Variants in BTC observed in about 807,000 individuals in gnomAD.
The protein encoded by BTC is probetacellulin.
A neutral mutation model predicts 18.1 loss-of-function variants in BTC; 13 were observed. The ratio of observed to expected loss-of-function variants is 0.72; its 90% confidence interval spans 0.47 to 1.14. The LOEUF (loss-of-function observed/expected upper bound fraction) is 1.14, where lower values mean the gene tolerates loss of function less well. Among genes scored for constraint, BTC ranks in the 50% most tolerant of loss-of-function variants. The probability of loss-of-function intolerance (pLI) is 0.00; values close to 1 mark genes in which losing one functional copy is unlikely to be tolerated. For synonymous variants in BTC, 83 were observed against 79.4 expected, an observed-to-expected ratio of 1.05 and a Z score of -0.24; for missense variants, 247 against 224.2, an observed-to-expected ratio of 1.10 and a Z score of -0.65.
chr4:74,749,587 C>T (rs1389662940), intron 4 of BTC, among the ~76,000 whole-genome samples: 1 of 151,314 alleles, frequency 6.6e-6, no homozygotes, highest in East Asian at 1.9e-4. Context: ...CGAGAACCCT[C>T]TTTATGTGTG....
intron 1 of BTC, among the ~76,000 whole-genome samples, chr4:74,780,368 C>G (rs903276969): frequency 2.0e-5 from 3 of 152,134 alleles, no homozygotes; most frequent in African/African-American, 7.2e-5. Flanking sequence ...GGTGTGTATT[C>G]TTCGTTATGT....
At chr4:74,768,739 T>C (rs1018976314) in intron 2 of BTC, among the ~76,000 whole-genome samples, 12 of 152,176 alleles carry the variant, frequency 7.9e-5, no homozygotes, top group Non-Finnish European at 1.8e-4. Flanking sequence ...TCATGTTAAA[T>C]GTTCTTACTA....
chr4:74,756,217 C>T (rs1443057828), intron 2 of BTC, among the ~76,000 whole-genome samples: 1 of 152,098 alleles, frequency 6.6e-6, no homozygotes, highest in Non-Finnish European at 1.5e-5. Flanking sequence ...CTTCAACCTA[C>T]CTTTCAGAAA....
chr4:74,773,244 A>G (rs939960103), intron 1 of BTC, among the ~76,000 whole-genome samples: 1 of 152,180 alleles, frequency 6.6e-6, no homozygotes, highest in Non-Finnish European at 1.5e-5. Context: ...AAGGTCTCGC[A>G]AGACAGATCT....
Position 74,794,455 on chromosome 4 carries a change from TC to T in BTC, c.-131del. 9.5e-7 allele frequency: 1 copy of T among 1,057,836 alleles called. No individual in the cohort carries two copies. The highest frequency in any genetic ancestry group is 1.3e-6 in the Non-Finnish European group (1 of 762,566). 65.5% of individuals were successfully genotyped at this position (1,057,836 alleles called of 1,614,324 possible). ...GGAGGCAGAAGGAAACGAAACTACT[TC>T]CCAGGCTGGCACCCTGGCTACAAGG... On this transcript the variant is annotated 5_prime_UTR_variant, in exon 1 of 6. Coordinates refer to ENST00000395743, the MANE Select transcript of BTC (RefSeq NM_001729.4).
chr4:74,778,484 T>C (rs1403818484), intron 1 of BTC, among the ~76,000 whole-genome samples: 1 of 152,112 alleles, frequency 6.6e-6, no homozygotes, highest in Non-Finnish European at 1.5e-5. Context: ...TGTGTGCACC[T>C]ATCATGCAGT....
intron 2 of BTC, among the ~76,000 whole-genome samples, chr4:74,760,412 A>G (rs888971172): frequency 6.6e-6 from 1 of 152,222 alleles, no homozygotes; most frequent in Admixed American, 6.5e-5. Context: ...GCATCTTCCC[A>G]GTAGGGATTT....
intron 1 of BTC, among the ~76,000 whole-genome samples, chr4:74,792,131 A>T (rs1276527083): frequency 2.0e-5 from 3 of 152,220 alleles, no homozygotes; most frequent in Non-Finnish European, 4.4e-5. Flanking sequence ...AGGGCCACTT[A>T]ATGGAAACAG....
At position 74,788,968 on chromosome 4, in the gene BTC, C is replaced by T. The variant is rs111281929; in HGVS notation, c.64+5294G>A. Among the ~76,000 whole-genome samples the T allele has an allele frequency of 8.6e-3, 1,309 of 152,220 alleles. 24 individuals are homozygous for T. Among genetic ancestry groups the T allele is most frequent in the African/African-American group, 0.03 (1,266 of 41,518 alleles). ...ATTATCAAAGCTAGGAAGTGTGTGT[C>T]GGGAGAGAGGGAGTGGATGTGAGTG... is the stretch of plus-strand genomic sequence containing the variant. On this transcript the variant is annotated intron_variant, in intron 1 of 5. Transcript: ENST00000395743.
intron 3 of BTC, among the ~76,000 whole-genome samples, chr4:74,753,174 C>T (rs782257250): frequency 2.6e-5 from 4 of 152,110 alleles, no homozygotes; most frequent in Non-Finnish European, 5.9e-5. Flanking sequence ...GCATCTTATA[C>T]TATTTAAAAT....
intron 1 of BTC, among the ~76,000 whole-genome samples, chr4:74,789,175 A>G (rs1725557947): frequency 6.6e-6 from 1 of 152,332 alleles, no homozygotes; most frequent in South Asian, 2.1e-4. Flanking sequence ...GCCATCGTGG[A>G]GCTTACATTC....
At chr4:74,755,790 G>A in intron 3 of BTC, 69 bp downstream of exon 3, 1 of 1,425,362 alleles carries the variant, frequency 7.0e-7, no homozygotes. Context: ...ACACTTTCCA[G>A]TCCTGGCAAG....
In BTC at chr4:74,755,870, C is replaced by T. The variant is rs574624337; in HGVS notation, c.270G>A (p.Thr90=). The T allele has an allele frequency of 2.9e-5, 47 of 1,614,010 alleles. No homozygotes were observed. In the Admixed American group the frequency reaches 3.3e-4, roughly 11 times the overall value. ...GACACTCCACTTACACACAGGAGGG[C>T]GTCTGCTCGGCCACCACGAAGCGGC... ...GRCRFVVAEQ[T]PSCVCDEGYI... Residue 90 remains threonine (T), a synonymous_variant, in exon 3 of 6, where the codon ACG becomes ACA. Transcript: ENST00000395743.
rs1172716452 is a variant in BTC at position 74,745,066 on chromosome 4, G to A, written c.*1611C>T. ...ATTTATTCCAAGCTCCTTTCGTATC[G>A]AAGAAGACTACATAAGAGAAAGGGC... is the stretch of plus-strand genomic sequence containing the variant. On this transcript the variant is annotated 3_prime_UTR_variant, in exon 6 of 6. Coordinates refer to ENST00000395743, the MANE Select transcript of BTC (RefSeq NM_001729.4). The A allele has an allele frequency of 2.6e-5, 4 of 152,064 alleles. No homozygotes were observed. Among genetic ancestry groups the A allele is most frequent in the Admixed American group, 1.3e-4 (2 of 15,260 alleles). 9.4% of individuals were successfully genotyped at this position (152,064 alleles called of 1,614,324 possible). A position where few individuals can be genotyped will look rare whatever the true frequency, so the allele number is the denominator to read the frequency against.
chr4:74,754,403 T>C (rs1223107715), intron 3 of BTC, among the ~76,000 whole-genome samples: 10 of 152,234 alleles, frequency 6.6e-5, no homozygotes, highest in Admixed American at 5.9e-4. Context: ...CCACCAGTTA[T>C]GCTCCAGTGG....
At chr4:74,774,686 G>A (rs1412315514) in intron 1 of BTC, among the ~76,000 whole-genome samples, 2 of 147,324 alleles carry the variant, frequency 1.4e-5, no homozygotes, top group Non-Finnish European at 2.9e-5. Flanking sequence ...TTGTTTGGAG[G>A]GTGGGTGGGG....
At chr4:74,752,995 A>G (rs1477694774) in intron 3 of BTC, among the ~76,000 whole-genome samples, 1 of 152,208 alleles carries the variant, frequency 6.6e-6, no homozygotes, top group Non-Finnish European at 1.5e-5. Flanking sequence ...ACCTTAACAT[A>G]GCTGGTTATA....
chr4:74,762,155 T>G (rs1560714139), intron 2 of BTC, among the ~76,000 whole-genome samples: 2 of 152,246 alleles, frequency 1.3e-5, no homozygotes, highest in African/African-American at 4.8e-5. Flanking sequence ...CCCACTGTTC[T>G]CATTTGCATT....
chr4:74,781,429 C>T (rs79329748), intron 1 of BTC, among the ~76,000 whole-genome samples: 4,845 of 137,130 alleles, frequency 0.035, 263 homozygotes, highest in African/African-American at 0.14. Context: ...CTTCAGTTAC[C>T]AACAATCTCT....
Sources: gnomAD v4.1 joint callset for allele counts (sites outside exome capture counted in the v4.1 genomes callset) on GRCh38, gnomAD v4.1.1 for gene constraint, MANE v1.5 for transcripts, NCBI Gene and HGNC (gene_info 2026-07-23, HGNC 2026-07-21) for gene names.